MBNL3: variants seen among roughly 807,000 people sequenced by gnomAD.
MBNL3 encodes the protein muscleblind like splicing regulator 3.
Under a neutral mutation model 24.5 loss-of-function variants are expected in MBNL3, and 6 were observed. The observed-to-expected ratio is 0.25, with a 90% confidence interval of 0.13 to 0.48. The LOEUF (loss-of-function observed/expected upper bound fraction) is 0.48. Ranked by LOEUF, MBNL3 falls within the 20% of genes least tolerant of loss-of-function variation. MBNL3 has a pLI of 0.99. For synonymous variants in MBNL3, 100 were observed against 101.7 expected, an observed-to-expected ratio of 0.98 and a Z score of 0.10; for missense variants, 230 against 293.5, an observed-to-expected ratio of 0.78 and a Z score of 1.58.
intron 2 of MBNL3, among the ~76,000 whole-genome samples, chrX:132,415,679 T>C (rs1020298068): frequency 9.0e-6 from 1 of 111,711 alleles, no homozygotes; most frequent in Non-Finnish European, 1.9e-5. Flanking sequence ...TGTGAAATTA[T>C]GTTTCAATCC....
At chrX:132,488,179 AATTT>A (rs1948106050) in intron 1 of MBNL3, among the ~76,000 whole-genome samples, 1 of 110,774 alleles carries the variant, frequency 9.0e-6, no homozygotes, top group African/African-American at 3.3e-5. Flanking sequence ...AGCCACAATT[AATTT>A]ATCTGTTTTA....
rs373400721 is a variant in MBNL3 at position 132,416,693 on chromosome X, T to C, written c.178-10301A>G. On this transcript the variant is annotated intron_variant, in intron 2 of 8. Transcript: ENST00000370853. ...TGTATGCCTGTATCAAAATATCACA[T>C]GTATCCCACAAATATGCACAACTGT... Among the ~76,000 whole-genome samples, 47 of 112,120 alleles carry C rather than the reference T, an allele frequency of 4.2e-4. No homozygotes were observed. In the East Asian group the frequency reaches 6.9e-3, roughly 17 times the overall value.
chrX:132,439,636 T>C lies in MBNL3; in HGVS notation c.-25A>G, dbSNP rs141219223. The C allele has an allele frequency of 4.9e-3, 5,791 of 1,177,416 alleles. 156 individuals carry two copies. In the African/African-American group the frequency reaches 0.087, roughly 18 times the overall value. The stretch of plus-strand genomic sequence containing the variant: ...TATTGAAAGCAAAATTAAAATCCAA[T>C]GTACCCTCTTTAGGACAATATTACT... On this transcript the variant is annotated 5_prime_UTR_variant, in exon 2 of 9. Transcript: ENST00000370853.
At chrX:132,446,925 A>G (rs1043979633) in intron 1 of MBNL3, among the ~76,000 whole-genome samples, 2 of 111,549 alleles carry the variant, frequency 1.8e-5, no homozygotes, top group Non-Finnish European at 1.9e-5. Flanking sequence ...TATTTTTTGT[A>G]TAAGGTGTAA....
chrX:132,436,493 A>T (rs183967161), intron 2 of MBNL3, among the ~76,000 whole-genome samples: 1 of 112,188 alleles, frequency 8.9e-6, no homozygotes, highest in East Asian at 2.8e-4. Context: ...CACAACAACA[A>T]CAAAACAAAA....
intron 3 of MBNL3, among the ~76,000 whole-genome samples, chrX:132,397,263 C>T (rs1169306281): frequency 9.1e-6 from 1 of 109,613 alleles, no homozygotes; most frequent in Non-Finnish European, 1.9e-5. Context: ...AACTATGCCT[C>T]AAATAAATGT....
chrX:132,454,910 T>G (rs1467325638), intron 1 of MBNL3, among the ~76,000 whole-genome samples: 1 of 112,206 alleles, frequency 8.9e-6, no homozygotes, highest in Non-Finnish European at 1.9e-5. Context: ...CTTTAAAAGT[T>G]TCTAAAATAA....
rs1249723489 is a variant in MBNL3, at chrX:132,376,221, T to A, written c.*3445A>T. ...AGTAGAGAGAAGATGACTTTCCACA[T>A]CATGATTAACTACAAATTAAAGCCT... On this transcript the variant is annotated 3_prime_UTR_variant, in exon 9 of 9. Coordinates refer to ENST00000370853, the MANE Select transcript of MBNL3 (RefSeq NM_001386889.1). 1 of 111,187 alleles carries A rather than the reference T, an allele frequency of 9.0e-6. No individual in the cohort carries two copies. Among genetic ancestry groups the A allele is most frequent in the Admixed American group, 9.5e-5 (1 of 10,488 alleles). 9.2% of individuals were successfully genotyped at this position (111,187 alleles called of 1,213,427 possible).
chrX:132,462,746 A>C (rs999945349), intron 1 of MBNL3, among the ~76,000 whole-genome samples: 1 of 111,112 alleles, frequency 9.0e-6, no homozygotes, highest in African/African-American at 3.3e-5. Context: ...GTGGAATCTT[A>C]TGTCTAATGG....
At chrX:132,422,127 ATGTGTGTGTG>A (rs113734916) in intron 2 of MBNL3, among the ~76,000 whole-genome samples, 8 of 101,954 alleles carry the variant, frequency 7.8e-5, no homozygotes, top group Non-Finnish European at 1.4e-4. Flanking sequence ...TGAATATACT[ATGTGTGTGTG>A]TGTGTGTGTG....
intron 5 of MBNL3, among the ~76,000 whole-genome samples, chrX:132,390,277 A>C (rs1161691676): frequency 1.2e-4 from 12 of 104,151 alleles, no homozygotes; most frequent in Non-Finnish European, 2.4e-4. Context: ...AAAAAAAAAA[A>C]AAAAAAAAAA....
At chrX:132,401,835 A>T (rs1345853843) in intron 3 of MBNL3, among the ~76,000 whole-genome samples, 2 of 110,329 alleles carry the variant, frequency 1.8e-5, no homozygotes, top group Non-Finnish European at 3.8e-5. Context: ...ACTTTCTATT[A>T]TTTTTTTTCT....
chrX:132,484,214 AAC>A (rs1239411583), intron 1 of MBNL3, among the ~76,000 whole-genome samples: 1 of 111,884 alleles, frequency 8.9e-6, no homozygotes, highest in Non-Finnish European at 1.9e-5. Context: ...CCTCTAGCAG[AAC>A]AGTCATTCAA....
chrX:132,440,402 T>C (rs748114281), intron 1 of MBNL3, among the ~76,000 whole-genome samples, 88 bp from the exon 2 acceptor site: 191 of 112,038 alleles, frequency 1.7e-3, no homozygotes, highest in Non-Finnish European at 2.4e-3. Flanking sequence ...AACTATATCC[T>C]ATTTAAAACA....
intron 1 of MBNL3, among the ~76,000 whole-genome samples, chrX:132,474,718 A>G (rs747892456): frequency 4.5e-5 from 5 of 111,844 alleles, no homozygotes; most frequent in Non-Finnish European, 7.5e-5. Context: ...CAGTAAGCAC[A>G]TCTAAGTCAT....
intron 1 of MBNL3, among the ~76,000 whole-genome samples, chrX:132,487,400 G>A (rs1200270991): frequency 1.8e-5 from 2 of 112,465 alleles, no homozygotes; most frequent in Non-Finnish European, 3.8e-5. Context: ...ATGAAAAACT[G>A]CTGAAAATTT....
At chrX:132,413,293 G>A (rs1391576493) in intron 2 of MBNL3, among the ~76,000 whole-genome samples, 1 of 111,381 alleles carries the variant, frequency 9.0e-6, no homozygotes, top group African/African-American at 3.3e-5. Flanking sequence ...AGAGATGCCA[G>A]GTTTATCAAA....
intron 1 of MBNL3, among the ~76,000 whole-genome samples, chrX:132,458,198 C>T (rs1946466634): frequency 9.0e-6 from 1 of 110,757 alleles, no homozygotes; most frequent in Admixed American, 9.6e-5. Flanking sequence ...GGATAAGCCA[C>T]AGTCCCTCAT....
intron 2 of MBNL3, among the ~76,000 whole-genome samples, chrX:132,415,847 A>G (rs1186610383): frequency 8.9e-6 from 1 of 111,954 alleles, no homozygotes; most frequent in Non-Finnish European, 1.9e-5. Flanking sequence ...GACTAAGTTT[A>G]TATTTTGTTA....
Sources: gnomAD v4.1 joint callset for allele counts (sites outside exome capture counted in the v4.1 genomes callset) on GRCh38, gnomAD v4.1.1 for gene constraint, MANE v1.5 for transcripts, NCBI Gene and HGNC (gene_info 2026-07-23, HGNC 2026-07-21) for gene names.